Variants in PDE8B observed in about 807,000 individuals in gnomAD.
PDE8B encodes high affinity cAMP-specific and IBMX-insensitive 3',5'-cyclic phosphodiesterase 8B.
Under a neutral mutation model 101.3 loss-of-function variants are expected in PDE8B, and 26 were observed. That is an observed-to-expected ratio of 0.26 (90% confidence interval 0.19 to 0.36). The LOEUF (loss-of-function observed/expected upper bound fraction) is 0.36. Among genes scored for constraint, PDE8B ranks in the 10% least tolerant of loss-of-function variants. The pLI, the probability that PDE8B is intolerant of heterozygous loss-of-function variation, is 1.00. For synonymous variants in PDE8B, 424 were observed against 429.3 expected, an observed-to-expected ratio of 0.99 and a Z score of 0.15; for missense variants, 810 against 1,163.1, an observed-to-expected ratio of 0.70 and a Z score of 4.42.
chr5:77,110,386 A>T, the PDE8B span, among the ~76,000 whole-genome samples: 1 of 152,208 alleles, frequency 6.6e-6, no homozygotes, highest in Non-Finnish European at 1.5e-5. Flanking sequence ...GACATTCATC[A>T]CATGGAATCC....
At chr5:77,279,168 G>A (rs1764451179) in intron 1 of PDE8B, among the ~76,000 whole-genome samples, 1 of 152,170 alleles carries the variant, frequency 6.6e-6, no homozygotes. Context: ...TTTAGATTTA[G>A]TGGGGCTACC....
At chr5:77,307,113 G>C (rs931596108) in intron 1 of PDE8B, among the ~76,000 whole-genome samples, 1 of 152,082 alleles carries the variant, frequency 6.6e-6, no homozygotes, top group African/African-American at 2.4e-5. Context: ...GTCCTCTGAG[G>C]ATCTGACCCC....
chr5:77,184,706 A>T, the PDE8B span, among the ~76,000 whole-genome samples: 1 of 152,150 alleles, frequency 6.6e-6, no homozygotes, highest in Middle Eastern at 3.2e-3. Context: ...GAGGCTGGGC[A>T]TGATGGCTCA....
chr5:77,313,829 A>G (rs997880562), intron 2 of PDE8B, among the ~76,000 whole-genome samples: 4 of 152,148 alleles, frequency 2.6e-5, no homozygotes, highest in Admixed American at 2.0e-4. Flanking sequence ...AGCAACCACT[A>G]TGATACATAT....
the PDE8B span, chr5:77,140,348 G>A: frequency 6.6e-6 from 1 of 152,010 alleles, no homozygotes; most frequent in East Asian, 1.9e-4. Flanking sequence ...CTCAATTCCA[G>A]TTGCCTTCCT....
At chr5:77,150,786 C>A in the PDE8B span, among the ~76,000 whole-genome samples, 1 of 152,172 alleles carries the variant, frequency 6.6e-6, no homozygotes, top group Non-Finnish European at 1.5e-5. Flanking sequence ...TCCATCCTTA[C>A]AGCAACCCAG....
chr5:77,198,027 A>G, the PDE8B span, among the ~76,000 whole-genome samples: 1 of 151,668 alleles, frequency 6.6e-6, no homozygotes, highest in South Asian at 2.1e-4. Flanking sequence ...AGTGATTTTG[A>G]TTATATGCTA....
chr5:77,312,426 G>A (rs1244294830), intron 2 of PDE8B, among the ~76,000 whole-genome samples: 2 of 152,136 alleles, frequency 1.3e-5, no homozygotes, highest in African/African-American at 4.8e-5. Flanking sequence ...TTTTCTTGAA[G>A]ACCTAAACAT....
At chr5:77,121,136 G>A in the PDE8B span, among the ~76,000 whole-genome samples, 1 of 152,334 alleles carries the variant, frequency 6.6e-6, no homozygotes, top group African/African-American at 2.4e-5. Flanking sequence ...CAGGAATTCA[G>A]GAGTCACTTA....
At chr5:77,158,784 C>T in the PDE8B span, among the ~76,000 whole-genome samples, 3,361 of 152,198 alleles carry the variant, frequency 0.022, 59 homozygotes, top group African/African-American at 0.024. Context: ...CCTGTGATCC[C>T]GCGGCAGGGA....
the PDE8B span, among the ~76,000 whole-genome samples, chr5:77,200,777 G>T: frequency 2.9e-3 from 449 of 152,282 alleles, 2 homozygotes; most frequent in South Asian, 6.8e-3. Flanking sequence ...CTAGTGTCAA[G>T]TACCCTGGAA....
chr5:77,098,841 GA>G, the PDE8B span: 69 of 152,324 alleles, frequency 4.5e-4, no homozygotes, highest in African/African-American at 1.6e-3. Flanking sequence ...GACAGAAAGA[GA>G]GAGAGTGAGA....
rs1033070738 is a variant in PDE8B, at chr5:77,358,346, C to A, written c.1167+4940C>A. 5.1e-6 allele frequency: 3 copies of A among 591,658 alleles called. No individual in the cohort carries two copies. The African/African-American group carries it at 6.1e-5, about 12-fold the overall frequency. 36.7% of individuals were successfully genotyped at this position (591,658 alleles called of 1,614,324 possible). ...GGACTCAACTCAGCTTCTCTTCCCC[C>A]CAGGAAATCTTCCAAACCTTCCAGC... On this transcript the variant is annotated intron_variant, in intron 10 of 21. Coordinates refer to ENST00000264917, the MANE Select transcript of PDE8B (RefSeq NM_003719.5).
At chr5:77,327,975 T>C (rs9686526) in intron 3 of PDE8B, among the ~76,000 whole-genome samples, 43,443 of 151,908 alleles carry the variant, frequency 0.29, 7,745 homozygotes, top group African/African-American at 0.5. Context: ...CAATACGAGC[T>C]GGCTGTCCCT....
chr5:77,181,953 C>T, the PDE8B span, among the ~76,000 whole-genome samples: 2 of 152,114 alleles, frequency 1.3e-5, no homozygotes, highest in Non-Finnish European at 2.9e-5. Flanking sequence ...CCCTCTTGAC[C>T]TTGAATAAGT....
chr5:77,113,265 A>G, the PDE8B span: 1 of 152,242 alleles, frequency 6.6e-6, no homozygotes, highest in Non-Finnish European at 1.5e-5. Flanking sequence ...ACCTGACTAT[A>G]CTACAAGGCT....
intron 4 of PDE8B, among the ~76,000 whole-genome samples, chr5:77,330,071 C>A (rs1000573401): frequency 6.6e-5 from 10 of 152,218 alleles, no homozygotes; most frequent in African/African-American, 2.2e-4. Flanking sequence ...GTTCATTACA[C>A]CTCTCCATCC....
the PDE8B span, among the ~76,000 whole-genome samples, chr5:77,154,832 A>G: frequency 6.6e-6 from 1 of 152,214 alleles, no homozygotes; most frequent in Non-Finnish European, 1.5e-5. Context: ...TGCGACAGAA[A>G]CATTCAGTAA....
At chr5:77,315,742 G>T (rs751984175) in intron 2 of PDE8B, among the ~76,000 whole-genome samples, 1 of 152,156 alleles carries the variant, frequency 6.6e-6, no homozygotes, top group Non-Finnish European at 1.5e-5. Flanking sequence ...GTTGTTAGGT[G>T]TATCCAAGTT....
Sources: gnomAD v4.1 joint callset for allele counts (sites outside exome capture counted in the v4.1 genomes callset) on GRCh38, gnomAD v4.1.1 for gene constraint, MANE v1.5 for transcripts, NCBI Gene and HGNC (gene_info 2026-07-23, HGNC 2026-07-21) for gene names.